The following MACO1 variants were observed in gnomAD, a reference collection of about 807,000 sequenced individuals.
MACO1 encodes the protein macoilin.
A neutral mutation model predicts 78.7 loss-of-function variants in MACO1; 14 were observed. That is an observed-to-expected ratio of 0.18 (90% confidence interval 0.12 to 0.28). MACO1 has a LOEUF of 0.28. Among genes scored for constraint, MACO1 ranks in the 10% least tolerant of loss-of-function variants. The probability of loss-of-function intolerance (pLI) is 1.00; values close to 1 mark genes in which losing one functional copy is unlikely to be tolerated. For missense variants in MACO1, 501 were observed against 799.0 expected, an observed-to-expected ratio of 0.63 and a Z score of 4.50; for synonymous variants, 288 against 291.6, an observed-to-expected ratio of 0.99 and a Z score of 0.12.
chr1:25,463,952 AT>A (rs1466538341), intron 6 of MACO1, among the ~76,000 whole-genome samples: 1 of 152,214 alleles, frequency 6.6e-6, no homozygotes, highest in Admixed American at 6.5e-5. Flanking sequence ...CATTGTCAGC[AT>A]CCCCCACCAG....
At chr1:25,472,539 T>A (rs2043283280) in intron 6 of MACO1, among the ~76,000 whole-genome samples, 1 of 152,204 alleles carries the variant, frequency 6.6e-6, no homozygotes, top group South Asian at 2.1e-4. Context: ...GTTCCAACCT[T>A]CTCTCCAAGG....
At chr1:25,483,471 C>T (rs1227644146) in intron 6 of MACO1, among the ~76,000 whole-genome samples, 7 of 152,112 alleles carry the variant, frequency 4.6e-5, no homozygotes, top group Non-Finnish European at 1.0e-4. Flanking sequence ...AAGGAATTGA[C>T]GAGAAAAGAT....
chr1:25,446,844 C>G lies in MACO1; in HGVS notation c.163C>G (p.Leu55Val). 6.2e-7 allele frequency: 1 copy of G among 1,613,928 alleles called. No individual in the cohort carries two copies. Residue 55 changes from leucine (L) to valine (V), a missense_variant, in exon 2 of 11, where the codon CTG becomes GTG. Around this residue, in one of 5 missense-constraint regions of MACO1, gnomAD observed 171 missense variants for 292.1 expected, o/e 0.59. Transcript: ENST00000374343. ...TGTCCTGGAGTTCAGATTTGAATAC[C>G]TGTGGCCATTCTGGCTTTTCATCAG... is the stretch of plus-strand genomic sequence containing the variant. The part of the protein sequence containing the change: ...DFVLEFRFEY[L>V]WPFWLFIRSV...
At chr1:25,479,403 A>G (rs991608164) in intron 6 of MACO1, among the ~76,000 whole-genome samples, 1 of 152,086 alleles carries the variant, frequency 6.6e-6, no homozygotes, top group Non-Finnish European at 1.5e-5. Context: ...ATTCAGTTCA[A>G]TTTGCTAACA....
At chr1:25,450,989 A>G (rs546907284) in intron 3 of MACO1, among the ~76,000 whole-genome samples, 9 of 152,362 alleles carry the variant, frequency 5.9e-5, no homozygotes, top group East Asian at 3.8e-4. Context: ...AACTAACCAT[A>G]TAACTATTAA....
chr1:25,495,345 AC>A (rs1351145252), intron 10 of MACO1, among the ~76,000 whole-genome samples: 2 of 152,216 alleles, frequency 1.3e-5, no homozygotes. Flanking sequence ...TTTTCCTGTT[AC>A]TGATTAAAGA....
At chr1:25,489,992 A>G (rs1194926478) in intron 9 of MACO1, among the ~76,000 whole-genome samples, 1 of 152,212 alleles carries the variant, frequency 6.6e-6, no homozygotes, top group African/African-American at 2.4e-5. Context: ...TGGAGAAAAA[A>G]AATTAGAAAC....
chr1:25,449,558 T>TG lies in MACO1; in HGVS notation c.349+628dup, dbSNP rs140463110. Among the ~76,000 whole-genome samples, 4 of 152,272 alleles carry TG rather than the reference T, an allele frequency of 2.6e-5. No homozygotes were observed. In the East Asian group the frequency reaches 5.8e-4, roughly 22 times the overall value. On this transcript the variant is annotated intron_variant, in intron 3 of 10. Transcript: ENST00000374343. ...TAAAAATTTCTATTTTTTTTTAAGA[T>TG]GGGGTCTCACTATGTTGCCCAGGCT...
intron 4 of MACO1, among the ~76,000 whole-genome samples, chr1:25,455,610 C>T (rs1325604241): frequency 2.0e-5 from 3 of 152,142 alleles, no homozygotes; most frequent in Non-Finnish European, 4.4e-5. Flanking sequence ...TGATGTTAGG[C>T]AGGCTGGTAA....
intron 1 of MACO1, among the ~76,000 whole-genome samples, chr1:25,439,441 A>G (rs2042948806): frequency 6.6e-6 from 1 of 152,004 alleles, no homozygotes; most frequent in African/African-American, 2.4e-5. Context: ...ACACTGTTAG[A>G]TTTGTCATTG....
chr1:25,461,586 A>T (rs2043173097), intron 6 of MACO1, among the ~76,000 whole-genome samples: 1 of 151,108 alleles, frequency 6.6e-6, no homozygotes, highest in East Asian at 1.9e-4. Context: ...CCCCCCCTCA[A>T]AAAAAAGGGT....
At chr1:25,489,402 C>A in intron 9 of MACO1, 109 bp downstream of exon 9, 1 of 1,239,252 alleles carries the variant, frequency 8.1e-7, no homozygotes, top group Non-Finnish European at 1.1e-6. Flanking sequence ...GATCAAATCT[C>A]ATTGCATCTG....
intron 8 of MACO1, 25 bp from the exon 9 acceptor site, chr1:25,489,148 A>T: frequency 6.2e-7 from 1 of 1,609,180 alleles, no homozygotes; most frequent in Non-Finnish European, 8.5e-7. Context: ...AAATCACTTT[A>T]TTTCCTTCTC....
intron 6 of MACO1, among the ~76,000 whole-genome samples, chr1:25,480,993 T>TA (rs898577230): frequency 1.4e-4 from 20 of 139,356 alleles, no homozygotes; most frequent in African/African-American, 5.1e-4. Flanking sequence ...TCTTTGGTCT[T>TA]CAGAAGTTAT....
chr1:25,450,267 G>A (rs1220532547), intron 3 of MACO1, among the ~76,000 whole-genome samples: 4 of 151,888 alleles, frequency 2.6e-5, no homozygotes, highest in East Asian at 1.9e-4. Flanking sequence ...CACCCTCCTC[G>A]TCTGCCTGCC....
At position 25,449,010 on chromosome 1, in the gene MACO1, A is replaced by T. The variant is rs907647593; in HGVS notation, c.349+76A>T. The stretch of plus-strand genomic sequence containing the variant: ...TAAATGTGGTTATTTCTTTGAATAC[A>T]TTATTTAGAGTTGAGTTTAATGTGG... On this transcript the variant is annotated intron_variant, in intron 3 of 10. Transcript: ENST00000374343. 8 of 1,311,264 alleles carry T rather than the reference A, an allele frequency of 6.1e-6. No homozygotes were observed. The South Asian group carries it at 9.9e-5, about 16-fold the overall frequency. 81.2% of individuals were successfully genotyped at this position (1,311,264 alleles called of 1,614,324 possible).
chr1:25,458,972 A>G, intron 6 of MACO1, 80 bp downstream of exon 6: 5 of 1,496,662 alleles, frequency 3.3e-6, no homozygotes, highest in Non-Finnish European at 4.5e-6. Flanking sequence ...ATGGGCCTGT[A>G]GGGATTGTTT....
At chr1:25,493,855 C>T (rs796631909) in intron 10 of MACO1, among the ~76,000 whole-genome samples, 1 of 151,734 alleles carries the variant, frequency 6.6e-6, no homozygotes, top group African/African-American at 2.4e-5. Context: ...GCCTCAGCCT[C>T]CCGAGTAGCT....
At chr1:25,445,254 G>A (rs1320055842) in intron 1 of MACO1, among the ~76,000 whole-genome samples, 3 of 150,016 alleles carry the variant, frequency 2.0e-5, no homozygotes, top group Non-Finnish European at 4.4e-5. Context: ...AGCTATGATC[G>A]TGCCATTGCA....
Sources: allele counts gnomAD v4.1 joint callset (sites outside exome capture counted in the v4.1 genomes callset), GRCh38; gene constraint gnomAD v4.1.1; regional missense constraint gnomAD v4.1.1; transcripts MANE v1.5; gene names NCBI Gene and HGNC (gene_info 2026-07-23, HGNC 2026-07-21).